Variants in ABAT observed in about 807,000 individuals in gnomAD.
The protein encoded by ABAT is 4-aminobutyrate aminotransferase.
Under a neutral mutation model 64.6 loss-of-function variants are expected in ABAT, and 45 were observed. That is an observed-to-expected ratio of 0.70 (90% CI 0.55 to 0.89). ABAT has a LOEUF of 0.89. Ranked by LOEUF, ABAT falls within the 40% of genes least tolerant of loss-of-function variation. The pLI is 0.00. For missense variants in ABAT, 633 were observed against 658.4 expected, an observed-to-expected ratio of 0.96 and a Z score of 0.42; for synonymous variants, 297 against 250.5, an observed-to-expected ratio of 1.19 and a Z score of -1.75.
At chr16:8,753,327 C>T (rs1020651800) in intron 5 of ABAT, among the ~76,000 whole-genome samples, 1 of 152,120 alleles carries the variant, frequency 6.6e-6, no homozygotes, top group Non-Finnish European at 1.5e-5. Context: ...GATCTTCTGA[C>T]CTCGTGATCC....
chr16:8,774,404 A>G (rs538326096), intron 12 of ABAT, among the ~76,000 whole-genome samples: 3 of 152,256 alleles, frequency 2.0e-5, no homozygotes, highest in Non-Finnish European at 4.4e-5. Context: ...TCTTGTGCAT[A>G]TATAACTGGC....
At chr16:8,744,648 A>C (rs978593352) in intron 2 of ABAT, among the ~76,000 whole-genome samples, 5 of 152,082 alleles carry the variant, frequency 3.3e-5, no homozygotes, top group Admixed American at 6.6e-5. Context: ...GATTATAGGT[A>C]TGAGCCACGG....
In ABAT at chr16:8,757,785, C is replaced by T. The variant is rs760491006; in HGVS notation, c.345C>T (p.Leu115=). The T allele has an allele frequency of 6.2e-7, 1 of 1,614,134 alleles. No homozygotes were observed. Among genetic ancestry groups the T allele is most frequent in the Non-Finnish European group, 8.5e-7 (1 of 1,179,964 alleles). Residue 115 remains leucine (L), a synonymous_variant, in exon 6 of 16, where the codon CTC becomes CTT. Coordinates refer to ENST00000268251, the MANE Select transcript of ABAT (RefSeq NM_020686.6). ...ACAGCCACCCCGCCCTGCTGAAACT[C>T]ATCCAACAGCCTCAAAATGCGGTAG... is the stretch of plus-strand genomic sequence containing the variant. The part of the protein sequence containing the change: ...IGYSHPALLK[L]IQQPQNASMF...
Position 8,781,339 on chromosome 16 carries a change from C to G in ABAT, c.1412C>G (p.Ser471Cys), listed in dbSNP as rs768495738. Residue 471 changes from serine (S) to cysteine (C), a missense_variant, in exon 16 of 16, where the codon TCC (serine) becomes TGC (cysteine). Physicochemically the swap from Ser to Cys is moderately radical, Grantham distance 112 (BLOSUM62 -1). Transcript: ENST00000268251. This position sits in a 1 kb window ranked among gnomAD's most constrained non-coding sequence, Gnocchi z 4.5. Reference sequence around the variant, plus strand: ...GTGTTGGGTGGCTGTGGTGACAAATCCATTCGTTTCCGTCCCACGCTGGTC... The same window carrying G: ...GTGTTGGGTGGCTGTGGTGACAAATGCATTCGTTTCCGTCCCACGCTGGTC... Reference protein sequence around the residue: ...GVVLGGCGDKSIRFRPTLVFR... With the variant: ...GVVLGGCGDKCIRFRPTLVFR... 1.7e-5 allele frequency: 27 copies of G among 1,614,052 alleles called. No homozygotes were observed. The highest frequency in any genetic ancestry group is 2.3e-5 in the Non-Finnish European group (27 of 1,180,038).
At chr16:8,680,450 G>T (rs1027036181) in intron 1 of ABAT, among the ~76,000 whole-genome samples, 2 of 152,100 alleles carry the variant, frequency 1.3e-5, no homozygotes, top group Non-Finnish European at 2.9e-5. Flanking sequence ...GGGGCAGGGG[G>T]AATCTTGCTC....
intron 1 of ABAT, among the ~76,000 whole-genome samples, chr16:8,734,448 G>A (rs180671465): frequency 1.3e-5 from 2 of 152,276 alleles, no homozygotes; most frequent in African/African-American, 4.8e-5. Context: ...AGTGTTGCGT[G>A]ACTGTGAGGT....
chr16:8,753,898 G>C (rs181325990), intron 5 of ABAT, among the ~76,000 whole-genome samples: 3 of 151,904 alleles, frequency 2.0e-5, no homozygotes, highest in Non-Finnish European at 4.4e-5. Context: ...AGTCTCCCCT[G>C]GGTGATGCCA....
intron 6 of ABAT, 111 bp from the exon 7 acceptor site, chr16:8,763,958 C>T (rs1346538114): frequency 1.8e-5 from 16 of 896,892 alleles, no homozygotes; most frequent in Non-Finnish European, 2.8e-5. Flanking sequence ...CATCATCCTG[C>T]AACCCCATTT....
At chr16:8,705,419 AT>A (rs1247191935) in intron 1 of ABAT, 1 of 152,172 alleles carries the variant, frequency 6.6e-6, no homozygotes, top group African/African-American at 2.4e-5. Context: ...ACAATTCAAG[AT>A]GAAATTTGGG....
chr16:8,736,044 C>T (rs1037507861), intron 2 of ABAT: 1 of 521,460 alleles, frequency 1.9e-6, no homozygotes, highest in African/African-American at 1.9e-5. Context: ...CTGGGGAGGC[C>T]TCACAATCAT....
At chr16:8,698,234 C>T (rs1188685801) in intron 1 of ABAT, among the ~76,000 whole-genome samples, 3 of 152,142 alleles carry the variant, frequency 2.0e-5, no homozygotes, top group Non-Finnish European at 2.9e-5. Context: ...GTACATGGCC[C>T]TCCTTCAGCA....
chr16:8,707,059 G>A (rs1395492341), intron 1 of ABAT, among the ~76,000 whole-genome samples: 4 of 152,178 alleles, frequency 2.6e-5, no homozygotes, highest in South Asian at 2.1e-4. Context: ...CAAGGTCCCA[G>A]ATGCCTCATG....
intron 1 of ABAT, among the ~76,000 whole-genome samples, chr16:8,720,444 G>A (rs2058335475): frequency 6.6e-6 from 1 of 152,228 alleles, no homozygotes; most frequent in African/African-American, 2.4e-5. Flanking sequence ...ACAAGTCACT[G>A]ATAATTTTAT....
At chr16:8,754,066 A>G (rs931198474) in intron 5 of ABAT, among the ~76,000 whole-genome samples, 1 of 151,284 alleles carries the variant, frequency 6.6e-6, no homozygotes, top group African/African-American at 2.4e-5. Context: ...ATGTATTTGG[A>G]TGGACACAGT....
chr16:8,730,409 G>A (rs971365422), intron 1 of ABAT, among the ~76,000 whole-genome samples: 2 of 152,100 alleles, frequency 1.3e-5, no homozygotes, highest in Non-Finnish European at 2.9e-5. Context: ...TCCTGGGCTC[G>A]GTGCCTGATT....
chr16:8,718,833 T>A (rs2058285005), intron 1 of ABAT, among the ~76,000 whole-genome samples: 1 of 152,250 alleles, frequency 6.6e-6, no homozygotes, highest in Non-Finnish European at 1.5e-5. Flanking sequence ...AAATGAAAGA[T>A]ACTTTGAATT....
intron 1 of ABAT, among the ~76,000 whole-genome samples, chr16:8,725,012 G>A (rs992941223): frequency 3.3e-5 from 5 of 151,654 alleles, no homozygotes; most frequent in African/African-American, 9.7e-5. Flanking sequence ...CGCCTCCCGG[G>A]TCCAAGCGAT....
intron 14 of ABAT, among the ~76,000 whole-genome samples, chr16:8,778,387 T>G (rs1328938149): frequency 2.0e-5 from 3 of 152,166 alleles, no homozygotes; most frequent in Non-Finnish European, 4.4e-5. Context: ...TCATGTTCCT[T>G]GACGTGTGGA....
chr16:8,742,874 A>AG (rs1372890774), intron 2 of ABAT, among the ~76,000 whole-genome samples: 1 of 150,684 alleles, frequency 6.6e-6, no homozygotes, highest in Admixed American at 6.6e-5. Flanking sequence ...TCAAAAAAAA[A>AG]AAAAAAAAAA....
Sources: gnomAD v4.1 joint callset for allele counts (sites outside exome capture counted in the v4.1 genomes callset) on GRCh38, gnomAD v4.1.1 for gene constraint, Gnocchi (gnomAD v3.1) non-coding constraint, MANE v1.5 for transcripts, NCBI Gene and HGNC (gene_info 2026-07-23, HGNC 2026-07-21) for gene names.